LRP12: variants seen among roughly 807,000 people sequenced by gnomAD.
LRP12 encodes low-density lipoprotein receptor-related protein 12.
LRP12 carries 14 observed loss-of-function variants against 66.0 expected under a neutral mutation model. The observed-to-expected ratio is 0.21, with a 90% CI of 0.14 to 0.33. The LOEUF (loss-of-function observed/expected upper bound fraction) is 0.33, where lower values mean the gene tolerates loss of function less well. Among genes scored for constraint, LRP12 ranks in the 10% least tolerant of loss-of-function variants. LRP12 has a pLI of 1.00. For synonymous variants in LRP12, 357 were observed against 359.1 expected (o/e 0.99, Z 0.07); for missense variants, 889 against 1,053.4 (o/e 0.84, Z 2.16).
At chr8:104,561,919 T>C (rs1311250473) in intron 1 of LRP12, among the ~76,000 whole-genome samples, 1 of 152,148 alleles carries the variant, frequency 6.6e-6, no homozygotes, top group Non-Finnish European at 1.5e-5. Flanking sequence ...CAATGACCCT[T>C]GGATCCTTTC....
chr8:104,518,953 C>T (rs998668313), intron 2 of LRP12, among the ~76,000 whole-genome samples: 10 of 151,818 alleles, frequency 6.6e-5, no homozygotes, highest in Admixed American at 2.0e-4. Flanking sequence ...AGTCTATGGG[C>T]CACTGAGAAT....
intron 1 of LRP12, among the ~76,000 whole-genome samples, chr8:104,556,117 A>G (rs2140883894): frequency 6.6e-6 from 1 of 152,316 alleles, no homozygotes; most frequent in East Asian, 1.9e-4. Context: ...ATGGCACAAT[A>G]GTGACACAAC....
intron 1 of LRP12, among the ~76,000 whole-genome samples, chr8:104,548,203 A>C (rs1328485896): frequency 1.1e-5 from 1 of 93,676 alleles, no homozygotes; most frequent in African/African-American, 6.0e-5. Flanking sequence ...TAAATATATG[A>C]TATATTTATA....
At chr8:104,550,253 T>C (rs1811706396) in intron 1 of LRP12, among the ~76,000 whole-genome samples, 1 of 152,116 alleles carries the variant, frequency 6.6e-6, no homozygotes, top group Non-Finnish European at 1.5e-5. Context: ...AAGTGGCAAG[T>C]GGTGCTACCA....
intron 1 of LRP12, among the ~76,000 whole-genome samples, chr8:104,583,130 C>T (rs942114672): frequency 1.3e-4 from 20 of 152,168 alleles, no homozygotes; most frequent in African/African-American, 4.3e-4. Flanking sequence ...ATCATCCCAT[C>T]TCTACTGTTT....
At chr8:104,513,897 C>T (rs781016793) in intron 2 of LRP12, among the ~76,000 whole-genome samples, 7 of 152,098 alleles carry the variant, frequency 4.6e-5, no homozygotes, top group African/African-American at 7.2e-5. Context: ...TAGTCAAATG[C>T]CCACTGGACA....
intron 1 of LRP12, among the ~76,000 whole-genome samples, chr8:104,569,044 G>A (rs1588508382): frequency 2.6e-5 from 4 of 152,126 alleles, no homozygotes; most frequent in Middle Eastern, 6.8e-3. Flanking sequence ...CTAATGAACA[G>A]ATACACAAAG....
intron 1 of LRP12, among the ~76,000 whole-genome samples, chr8:104,550,654 T>C (rs1408652518): frequency 2.0e-5 from 3 of 152,172 alleles, no homozygotes; most frequent in East Asian, 1.9e-4. Context: ...TCATGCACTA[T>C]ATATTAAGTT....
intron 1 of LRP12, among the ~76,000 whole-genome samples, chr8:104,559,450 C>T (rs1811867980): frequency 1.3e-5 from 2 of 151,722 alleles, no homozygotes; most frequent in South Asian, 2.1e-4. Flanking sequence ...TTTGGGGACT[C>T]GGGGGAAAAG....
chr8:104,514,158 G>A (rs1248768205), intron 2 of LRP12, among the ~76,000 whole-genome samples: 1 of 152,024 alleles, frequency 6.6e-6, no homozygotes, highest in African/African-American at 2.4e-5. Context: ...ACTTCTTAGG[G>A]AACCAAGGCC....
At chr8:104,547,569 A>AT in intron 1 of LRP12, among the ~76,000 whole-genome samples, 1 of 124,928 alleles carries the variant, frequency 8.0e-6, no homozygotes, top group Non-Finnish European at 1.6e-5. Flanking sequence ...ATATATTAAT[A>AT]ATTATTATAT....
chr8:104,548,635 TAATTA>T (rs1040648966), intron 1 of LRP12, among the ~76,000 whole-genome samples: 3 of 143,576 alleles, frequency 2.1e-5, no homozygotes, highest in Non-Finnish European at 4.5e-5. Flanking sequence ...AATTATTATA[TAATTA>T]AATTAATTAT....
chr8:104,536,770 T>G (rs1811397873), intron 1 of LRP12, among the ~76,000 whole-genome samples: 1 of 151,802 alleles, frequency 6.6e-6, no homozygotes, highest in Non-Finnish European at 1.5e-5. Flanking sequence ...AAAGTAAAAC[T>G]GTGTCCATGT....
At chr8:104,508,255 T>C (rs1342124291) in intron 3 of LRP12, 1 of 152,226 alleles carries the variant, frequency 6.6e-6, no homozygotes, top group Non-Finnish European at 1.5e-5. Flanking sequence ...CTAAATATAT[T>C]CTTTACAATC....
At chr8:104,562,075 T>A (rs557880153) in intron 1 of LRP12, among the ~76,000 whole-genome samples, 2 of 152,308 alleles carry the variant, frequency 1.3e-5, no homozygotes, top group Non-Finnish European at 2.9e-5. Flanking sequence ...AGTAGTATAA[T>A]CTTTCTGGAA....
At chr8:104,564,770 A>T (rs1032734796) in intron 1 of LRP12, among the ~76,000 whole-genome samples, 4 of 151,950 alleles carry the variant, frequency 2.6e-5, no homozygotes, top group African/African-American at 7.3e-5. Flanking sequence ...ATCTCTACCA[A>T]AAAAATCCAA....
chr8:104,516,331 A>C (rs1447965113), intron 2 of LRP12, among the ~76,000 whole-genome samples: 1 of 152,116 alleles, frequency 6.6e-6, no homozygotes, highest in Non-Finnish European at 1.5e-5. Context: ...CAGTTGAAGT[A>C]GTGTATAGGA....
At chr8:104,551,524 C>T (rs1811725196) in intron 1 of LRP12, among the ~76,000 whole-genome samples, 1 of 152,098 alleles carries the variant, frequency 6.6e-6, no homozygotes, top group African/African-American at 2.4e-5. Flanking sequence ...CCTCTCCCTC[C>T]TACCTCTAGT....
At chr8:104,547,419 T>TACA (rs1811594507) in intron 1 of LRP12, among the ~76,000 whole-genome samples, 1 of 136,630 alleles carries the variant, frequency 7.3e-6, no homozygotes, top group Non-Finnish European at 1.5e-5. Flanking sequence ...ATATTTTGTA[T>TACA]ATAATATACA....
Sources: allele counts gnomAD v4.1 joint callset (sites outside exome capture counted in the v4.1 genomes callset), GRCh38; gene constraint gnomAD v4.1.1; transcripts MANE v1.5; gene names NCBI Gene and HGNC (gene_info 2026-07-23, HGNC 2026-07-21).